Variants in TNRC6A observed in about 807,000 individuals in gnomAD.
TNRC6A encodes the protein trinucleotide repeat containing adaptor 6A.
TNRC6A carries 44 observed loss-of-function variants against 221.2 expected under a neutral mutation model. The observed-to-expected ratio is 0.20, with a 90% CI of 0.16 to 0.26. The LOEUF is 0.26. Ranked by LOEUF, TNRC6A falls within the 10% of genes least tolerant of loss-of-function variation. The pLI, the probability that TNRC6A is intolerant of heterozygous loss-of-function variation, is 1.00. For missense variants in TNRC6A, 2,199 were observed against 2,404.4 expected, an observed-to-expected ratio of 0.91 and a Z score of 1.79; for synonymous variants, 847 against 838.5, an observed-to-expected ratio of 1.01 and a Z score of -0.18.
At chr16:24,805,506 A>C in intron 14 of TNRC6A, 99 bp from the exon 15 acceptor site, 1 of 1,511,752 alleles carries the variant, frequency 6.6e-7, no homozygotes. Context: ...TGAATAGTCC[A>C]CAAATTTAAC....
intron 4 of TNRC6A, among the ~76,000 whole-genome samples, chr16:24,760,558 C>T (rs2057341790): frequency 6.6e-6 from 1 of 152,072 alleles, no homozygotes; most frequent in African/African-American, 2.4e-5. Context: ...CGCTGTCTCT[C>T]TTCATAATTG....
At chr16:24,620,695 C>T (rs561296441) in intron 1 of TNRC6A, among the ~76,000 whole-genome samples, 6 of 152,100 alleles carry the variant, frequency 3.9e-5, no homozygotes, top group Non-Finnish European at 8.8e-5. Flanking sequence ...GTAATTCCAG[C>T]TACTCGGGAG....
At chr16:24,745,934 T>C (rs2057000603) in intron 2 of TNRC6A, among the ~76,000 whole-genome samples, 1 of 152,154 alleles carries the variant, frequency 6.6e-6, no homozygotes, top group Non-Finnish European at 1.5e-5. Flanking sequence ...CTCACCCTTG[T>C]TTTTGCCAAT....
intron 14 of TNRC6A, 133 bp from the exon 15 acceptor site, chr16:24,805,472 A>G (rs1279474277): frequency 4.6e-6 from 6 of 1,303,200 alleles, no homozygotes; most frequent in Non-Finnish European, 6.3e-6. Context: ...TTAGTAAGAC[A>G]GAGACAAAGA....
At chr16:24,644,730 G>T (rs1902185861) in intron 2 of TNRC6A, among the ~76,000 whole-genome samples, 5 of 152,078 alleles carry the variant, frequency 3.3e-5, no homozygotes, top group Admixed American at 3.3e-4. Context: ...TGGGATTACA[G>T]GCATGAGCCA....
chr16:24,617,957 G>A (rs1596540001), intron 1 of TNRC6A, among the ~76,000 whole-genome samples: 1 of 152,166 alleles, frequency 6.6e-6, no homozygotes, highest in Admixed American at 6.5e-5. Context: ...CTGGAATGCA[G>A]TGGCATGATC....
At chr16:24,750,929 T>C in intron 3 of TNRC6A, 116 bp downstream of exon 3, 1 of 984,912 alleles carries the variant, frequency 1.0e-6, no homozygotes. Flanking sequence ...TTAATGGAGA[T>C]TCATTTTAAT....
chr16:24,678,555 C>T lies in TNRC6A; in HGVS notation n.402+37546C>T, dbSNP rs548857011. On this transcript the variant is annotated intron_variant and non_coding_transcript_variant, in intron 2 of 2. Coordinates refer to the TNRC6A transcript ENST00000566108. ...GTGCATGAGCTTAGAAGCGGATTCT[C>T]CCAGCCAGGCATGGTGGCGCATGCC... 4.3e-4 allele frequency among the ~76,000 whole-genome samples: 66 copies of T among 152,214 alleles called. No individual in the cohort carries two copies. The South Asian group carries it at 4.8e-3, about 11-fold the overall frequency.
intron 18 of TNRC6A, among the ~76,000 whole-genome samples, chr16:24,812,877 CTTTTTTTTTTT>C (rs71383720): frequency 2.7e-5 from 2 of 74,992 alleles, no homozygotes; most frequent in African/African-American, 5.4e-5. Flanking sequence ...ACCTCTTGGG[CTTTTTTTTTTT>C]TTTTTTTTTT....
At chr16:24,782,227 A>G (rs191800058) in intron 5 of TNRC6A, among the ~76,000 whole-genome samples, 1 of 152,318 alleles carries the variant, frequency 6.6e-6, no homozygotes, top group African/African-American at 2.4e-5. Context: ...GTCTAGAGCA[A>G]CATCCCCAAG....
intron 3 of TNRC6A, among the ~76,000 whole-genome samples, chr16:24,752,313 G>A (rs969098526): frequency 6.6e-6 from 1 of 152,094 alleles, no homozygotes; most frequent in African/African-American, 2.4e-5. Context: ...ATCAGGCTAG[G>A]GGATACAAAG....
chr16:24,683,574 AC>A (rs1220937051), intron 2 of TNRC6A, among the ~76,000 whole-genome samples: 10 of 152,222 alleles, frequency 6.6e-5, no homozygotes, highest in African/African-American at 1.9e-4. Flanking sequence ...TGTGTTCATC[AC>A]CAACATCAGC....
At chr16:24,666,106 G>GA in intron 2 of TNRC6A, among the ~76,000 whole-genome samples, 1 of 152,148 alleles carries the variant, frequency 6.6e-6, no homozygotes, top group Non-Finnish European at 1.5e-5. Flanking sequence ...GTGGAAGGAT[G>GA]GCTTAAAGTC....
chr16:24,791,672 T>A lies in TNRC6A; in HGVS notation c.3030T>A (p.Asp1010Glu), dbSNP rs1406259476. 1 of 1,613,534 alleles carries A rather than the reference T, an allele frequency of 6.2e-7. No homozygotes were observed. Among genetic ancestry groups the A allele is most frequent in the East Asian group, 2.2e-5 (1 of 44,818 alleles). ...EIDDGTSAWG[D>E]PSKYNYKNVN... is the part of the protein sequence containing the mutation. ...ATGATGGAACTTCAGCTTGGGGAGA[T>A]CCAAGCAAATACAACTACAAAAATG... The change falls in exon 6 of 25, where the codon GAT (aspartate) becomes GAA (glutamate). Residue 1010 changes from aspartate to glutamate, a missense_variant. This residue lies in a region of TNRC6A where 1,405 missense variants were observed against 1,400.2 expected (regional missense o/e 1.00). Transcript: ENST00000395799.
At chr16:24,758,458 T>A in intron 4 of TNRC6A, 98 bp downstream of exon 4, 1 of 1,292,612 alleles carries the variant, frequency 7.7e-7, no homozygotes, top group Non-Finnish European at 1.1e-6. Context: ...GAGAAGAGCA[T>A]GAAAGAAGCG....
At chr16:24,817,742 A>G (rs780787761) in intron 20 of TNRC6A, among the ~76,000 whole-genome samples, 6 of 152,174 alleles carry the variant, frequency 3.9e-5, no homozygotes, top group Non-Finnish European at 8.8e-5. Context: ...AGCAGCCACC[A>G]TGTTGCGTTA....
intron 2 of TNRC6A, among the ~76,000 whole-genome samples, chr16:24,664,642 A>ATAAATATG (rs1407104846): frequency 1.5e-5 from 2 of 136,126 alleles, no homozygotes; most frequent in South Asian, 5.0e-4. Flanking sequence ...ATTAATAAAT[A>ATAAATATG]TATTTATTAA....
intron 2 of TNRC6A, chr16:24,670,859 G>A (rs1272989405): frequency 2.4e-5 from 6 of 246,416 alleles, no homozygotes; most frequent in South Asian, 2.1e-4. Flanking sequence ...TCTCCAACCT[G>A]TCAGTCCCTC....
At chr16:24,716,955 CA>C (rs141168433) in intron 2 of TNRC6A, among the ~76,000 whole-genome samples, 9,616 of 74,886 alleles carry the variant, frequency 0.13, 537 homozygotes, top group East Asian at 0.37. Context: ...GACTCCATCT[CA>C]AAAAAAAAAA....
Sources: gnomAD v4.1 joint callset for allele counts (sites outside exome capture counted in the v4.1 genomes callset) on GRCh38, gnomAD v4.1.1 for gene constraint, gnomAD v4.1.1 regional missense constraint, MANE v1.5 for transcripts, NCBI Gene and HGNC (gene_info 2026-07-23, HGNC 2026-07-21) for gene names.